Variants in PBX1 observed in about 807,000 individuals in gnomAD.
PBX1 encodes PBX homeobox 1.
A neutral mutation model predicts 53.4 loss-of-function variants in PBX1; 6 were observed. The ratio of observed to expected loss-of-function variants is 0.11; its 90% CI spans 0.06 to 0.22. The LOEUF (loss-of-function observed/expected upper bound fraction) is 0.22. Ranked by LOEUF, PBX1 falls within the 10% of genes least tolerant of loss-of-function variation. The pLI is 1.00. For synonymous variants in PBX1, 204 were observed against 212.3 expected, an observed-to-expected ratio of 0.96 and a Z score of 0.34; for missense variants, 251 against 551.4, an observed-to-expected ratio of 0.46 and a Z score of 5.46.
chr1:164,771,534 T>C (rs982283544), intron 2 of PBX1: 5 of 152,158 alleles, frequency 3.3e-5, no homozygotes, highest in African/African-American at 1.2e-4. Flanking sequence ...CTACAGTCTT[T>C]CTGCTTTTTC....
chr1:164,719,537 T>C (rs1664289376), intron 2 of PBX1, among the ~76,000 whole-genome samples: 1 of 152,152 alleles, frequency 6.6e-6, no homozygotes, highest in African/African-American at 2.4e-5. Context: ...GCCTTTTTAA[T>C]ATTTGTGCAT....
Position 164,849,355 on chromosome 1 carries a change from C to T in PBX1, c.*2679C>T, listed in dbSNP as rs1209871817. On this transcript the variant is annotated 3_prime_UTR_variant, in exon 9 of 9. Coordinates refer to ENST00000420696, the MANE Select transcript of PBX1 (RefSeq NM_002585.4). Reference sequence around the variant, plus strand: ...CTATACCCAGCACCTCCCCCGGCACCCCCGGCAAGCCCACTATCACTTCCG... The same window carrying T: ...CTATACCCAGCACCTCCCCCGGCACTCCCGGCAAGCCCACTATCACTTCCG... 1 of 1,535,700 alleles carries T rather than the reference C, an allele frequency of 6.5e-7. No homozygotes were observed. The highest frequency in any genetic ancestry group is 2.4e-5 in the East Asian group (1 of 40,902).
intron 2 of PBX1, among the ~76,000 whole-genome samples, chr1:164,754,200 A>G (rs182427147): frequency 6.6e-5 from 10 of 152,242 alleles, no homozygotes; most frequent in Admixed American, 4.6e-4. Context: ...CTCATGGGAA[A>G]AAGCAGAGGC....
At chr1:164,610,060 C>T (rs1656806619) in intron 2 of PBX1, among the ~76,000 whole-genome samples, 1 of 152,142 alleles carries the variant, frequency 6.6e-6, no homozygotes, top group Admixed American at 6.5e-5. Flanking sequence ...CGAAGGGCCC[C>T]ACCTTCCATG....
chr1:164,699,967 T>C (rs115980758), intron 2 of PBX1, among the ~76,000 whole-genome samples: 2 of 152,000 alleles, frequency 1.3e-5, no homozygotes, highest in East Asian at 1.9e-4. Context: ...GATAGAGAAA[T>C]AGAGGCGAAG....
chr1:164,706,170 G>A (rs889698248), intron 2 of PBX1, among the ~76,000 whole-genome samples: 3 of 152,220 alleles, frequency 2.0e-5, no homozygotes, highest in Middle Eastern at 3.4e-3. Context: ...ATGGCTGAGC[G>A]GTGTTAGCCA....
chr1:164,833,670 T>C (rs1377843993), intron 8 of PBX1, among the ~76,000 whole-genome samples: 1 of 152,202 alleles, frequency 6.6e-6, no homozygotes, highest in Non-Finnish European at 1.5e-5. Context: ...TTATATCCTG[T>C]TCCTCAACTC....
At chr1:164,879,970 G>C (rs1672607197) in intron 2 of PBX1, among the ~76,000 whole-genome samples, 1 of 152,210 alleles carries the variant, frequency 6.6e-6, no homozygotes, top group Non-Finnish European at 1.5e-5. Flanking sequence ...AATGAGGGCA[G>C]AGGTGCCAGT....
intron 2 of PBX1, among the ~76,000 whole-genome samples, chr1:164,765,048 C>T (rs991370483): frequency 6.6e-6 from 1 of 152,152 alleles, no homozygotes; most frequent in African/African-American, 2.4e-5. Context: ...AATACCCTTC[C>T]TCCACCCTCA....
intron 2 of PBX1, among the ~76,000 whole-genome samples, chr1:164,712,426 TAAC>T (rs1663849390): frequency 6.6e-6 from 1 of 152,178 alleles, no homozygotes; most frequent in African/African-American, 2.4e-5. Flanking sequence ...GACTGGCTGA[TAAC>T]AGGCTGTTAG....
chr1:164,741,280 T>C (rs1002830418), intron 2 of PBX1, among the ~76,000 whole-genome samples: 1 of 152,236 alleles, frequency 6.6e-6, no homozygotes. Flanking sequence ...TCTGGACTCA[T>C]AGGGCCAGAA....
At chr1:164,782,709 G>C (rs1029329125) in intron 2 of PBX1, among the ~76,000 whole-genome samples, 1 of 152,182 alleles carries the variant, frequency 6.6e-6, no homozygotes, top group Admixed American at 6.5e-5. Context: ...GATATGGGCC[G>C]GAAAATGCCA....
intron 2 of PBX1, among the ~76,000 whole-genome samples, chr1:164,756,809 A>G (rs1666551087): frequency 6.6e-6 from 1 of 152,242 alleles, no homozygotes; most frequent in Admixed American, 6.5e-5. Flanking sequence ...GTTTGAATGG[A>G]GAATGCTTAA....
chr1:164,600,600 A>G (rs1342296857), intron 2 of PBX1, among the ~76,000 whole-genome samples: 1 of 152,184 alleles, frequency 6.6e-6, no homozygotes, highest in Admixed American at 6.5e-5. Context: ...TTGCCACAAA[A>G]GGCAAACAGA....
chr1:164,634,709 T>A (rs1281476775), intron 2 of PBX1, among the ~76,000 whole-genome samples: 1 of 152,130 alleles, frequency 6.6e-6, no homozygotes. Context: ...CCCAGCATAA[T>A]TGGGCAAGGT....
At chr1:164,844,618 T>C (rs957985794) in intron 8 of PBX1, among the ~76,000 whole-genome samples, 8 of 152,230 alleles carry the variant, frequency 5.3e-5, no homozygotes, top group Non-Finnish European at 1.2e-4. Flanking sequence ...AAGTATATCT[T>C]ATTTTTATTT....
intron 2 of PBX1, among the ~76,000 whole-genome samples, chr1:164,564,311 C>T (rs1245822225): frequency 1.3e-5 from 2 of 151,758 alleles, no homozygotes; most frequent in African/African-American, 4.8e-5. Context: ...TAATTCATAT[C>T]TAAACCATAT....
chr1:164,861,414 A>G (rs1031238582), intron 2 of PBX1, among the ~76,000 whole-genome samples: 5 of 152,218 alleles, frequency 3.3e-5, no homozygotes, highest in African/African-American at 1.2e-4. Context: ...AAACCTGAAT[A>G]TTCCTGCCAG....
chr1:164,785,317 T>C (rs895288525), intron 2 of PBX1, among the ~76,000 whole-genome samples: 2 of 152,066 alleles, frequency 1.3e-5, no homozygotes, highest in East Asian at 1.9e-4. Flanking sequence ...AACAGAGAGA[T>C]TGAGAATAAG....
Sources: gnomAD v4.1 joint callset for allele counts (sites outside exome capture counted in the v4.1 genomes callset) on GRCh38, gnomAD v4.1.1 for gene constraint, MANE v1.5 for transcripts, NCBI Gene and HGNC (gene_info 2026-07-23, HGNC 2026-07-21) for gene names.